Variants in FRMD3 observed in about 807,000 individuals in gnomAD.
The protein encoded by FRMD3 is FERM domain containing 3.
In FRMD3, 33 loss-of-function variants were observed where a neutral mutation model predicts 70.2. The ratio of observed to expected loss-of-function variants is 0.47; its 90% CI spans 0.36 to 0.63. FRMD3 has a LOEUF of 0.63. Ranked by LOEUF, FRMD3 falls within the 20% of genes least tolerant of loss-of-function variation. The pLI, the probability that FRMD3 is intolerant of heterozygous loss-of-function variation, is 0.00. For synonymous variants in FRMD3, 279 were observed against 255.9 expected (o/e 1.09, Z -0.86); for missense variants, 632 against 711.4 (o/e 0.89, Z 1.27).
chr9:83,569,774 G>C, the FRMD3 span, among the ~76,000 whole-genome samples: 1 of 152,066 alleles, frequency 6.6e-6, no homozygotes, highest in Non-Finnish European at 1.5e-5. Flanking sequence ...TTTTGATTTC[G>C]CCACTTAATT....
intron 3 of FRMD3, among the ~76,000 whole-genome samples, chr9:83,360,499 G>A (rs1824546483): frequency 6.6e-6 from 1 of 152,124 alleles, no homozygotes; most frequent in Non-Finnish European, 1.5e-5. Flanking sequence ...CACTCATGCT[G>A]CCAGCATGTG....
chr9:83,530,575 T>C (rs1341432337), intron 1 of FRMD3, among the ~76,000 whole-genome samples: 1 of 152,230 alleles, frequency 6.6e-6, no homozygotes, highest in Non-Finnish European at 1.5e-5. Flanking sequence ...TGGTGATGAC[T>C]GCACTACTCT....
At chr9:83,566,090 T>C in the FRMD3 span, among the ~76,000 whole-genome samples, 1 of 152,188 alleles carries the variant, frequency 6.6e-6, no homozygotes, top group Non-Finnish European at 1.5e-5. Context: ...GATAGAGACA[T>C]ACCCGAGACT....
the FRMD3 span, among the ~76,000 whole-genome samples, chr9:83,571,354 C>T: frequency 7.2e-5 from 11 of 152,202 alleles, no homozygotes; most frequent in African/African-American, 2.7e-4. Context: ...AAATTAGCAT[C>T]TTTTCTTTAT....
intron 1 of FRMD3, among the ~76,000 whole-genome samples, chr9:83,518,265 T>C (rs1395247026): frequency 6.6e-6 from 1 of 152,230 alleles, no homozygotes; most frequent in Non-Finnish European, 1.5e-5. Context: ...AAAAACTCCT[T>C]AAGCTAATAA....
chr9:83,306,529 G>T (rs1835142969), intron 10 of FRMD3, among the ~76,000 whole-genome samples: 1 of 152,050 alleles, frequency 6.6e-6, no homozygotes. Context: ...ACCTAAAAGG[G>T]TCTTCTACCT....
intron 12 of FRMD3, among the ~76,000 whole-genome samples, chr9:83,293,307 A>G (rs10118491): frequency 0.51 from 77,946 of 151,866 alleles, 21,411 homozygotes; most frequent in South Asian, 0.71. Context: ...TATGATTCTA[A>G]CTCTGCAAGG....
At chr9:83,284,709 G>T (rs1415936457) in intron 13 of FRMD3, among the ~76,000 whole-genome samples, 1 of 152,212 alleles carries the variant, frequency 6.6e-6, no homozygotes, top group East Asian at 1.9e-4. Context: ...GGGGAAAATG[G>T]TGGGAAGAAA....
chr9:83,321,848 G>C (rs1835814679), intron 6 of FRMD3, among the ~76,000 whole-genome samples: 1 of 152,006 alleles, frequency 6.6e-6, no homozygotes, highest in Non-Finnish European at 1.5e-5. Context: ...TTTTTGAATG[G>C]GGGTGCACTG....
At chr9:83,311,172 C>A (rs936486574) in intron 8 of FRMD3, among the ~76,000 whole-genome samples, 8 of 152,010 alleles carry the variant, frequency 5.3e-5, no homozygotes, top group African/African-American at 1.4e-4. Context: ...ATGGAAGGGG[C>A]TGCTCTCCTC....
At chr9:83,359,375 C>A (rs1824509418) in intron 3 of FRMD3, among the ~76,000 whole-genome samples, 2 of 152,302 alleles carry the variant, frequency 1.3e-5, no homozygotes, top group South Asian at 4.1e-4. Context: ...ATACTTCTAA[C>A]CTCAAGTTTG....
the FRMD3 span, among the ~76,000 whole-genome samples, chr9:83,577,619 G>A: frequency 6.6e-6 from 1 of 152,072 alleles, no homozygotes. Flanking sequence ...AACATAGGTA[G>A]AAATCTCTGT....
chr9:83,393,945 T>A lies in FRMD3; in HGVS notation c.148-4237A>T, dbSNP rs535851390. ...TTTTGATTTTGTTTTTTTTTGTTGT[T>A]GTTGTTTTTTTTTACAAATATTGGT... On this transcript the variant is annotated intron_variant, in intron 1 of 13. Transcript: ENST00000304195. Among the ~76,000 whole-genome samples the A allele has an allele frequency of 6.8e-5, 7 of 102,890 alleles. No homozygotes were observed. The South Asian group carries it at 1.8e-3, about 26-fold the overall frequency. 67.5% of individuals were successfully genotyped at this position (102,890 alleles called of 152,430 possible).
At chr9:83,324,961 G>T (rs1835953043) in intron 6 of FRMD3, among the ~76,000 whole-genome samples, 1 of 152,144 alleles carries the variant, frequency 6.6e-6, no homozygotes, top group South Asian at 2.1e-4. Context: ...CTGCTCTCCT[G>T]CGTGCCATGG....
intron 1 of FRMD3, among the ~76,000 whole-genome samples, chr9:83,479,401 A>C (rs1380134166): frequency 1.0e-5 from 1 of 100,356 alleles, no homozygotes; most frequent in Non-Finnish European, 1.9e-5. Flanking sequence ...GGAAGAAAGG[A>C]GGGAGGGAGG....
intron 1 of FRMD3, among the ~76,000 whole-genome samples, chr9:83,469,382 C>T (rs971498623): frequency 1.3e-5 from 2 of 152,182 alleles, no homozygotes; most frequent in African/African-American, 2.4e-5. Context: ...TCAGATGCTT[C>T]GTAGACAATC....
At chr9:83,531,374 C>G (rs760350716) in intron 1 of FRMD3, among the ~76,000 whole-genome samples, 3 of 152,312 alleles carry the variant, frequency 2.0e-5, no homozygotes, top group Admixed American at 6.5e-5. Context: ...AGTCAATACA[C>G]TTTGCCTTTG....
At chr9:83,261,533 T>G (rs1832995381) in intron 13 of FRMD3, among the ~76,000 whole-genome samples, 2 of 152,164 alleles carry the variant, frequency 1.3e-5, no homozygotes, top group African/African-American at 4.8e-5. Flanking sequence ...GATTCTAAGC[T>G]ACCTCTGTCT....
At chr9:83,415,442 CT>C (rs541899087) in intron 1 of FRMD3, among the ~76,000 whole-genome samples, 414 of 124,592 alleles carry the variant, frequency 3.3e-3, no homozygotes, top group African/African-American at 5.7e-3. Context: ...AAAGGAAATT[CT>C]TTTTTTTTTT....
Sources: allele counts gnomAD v4.1 joint callset (sites outside exome capture counted in the v4.1 genomes callset), GRCh38; gene constraint gnomAD v4.1.1; transcripts MANE v1.5; gene names NCBI Gene and HGNC (gene_info 2026-07-23, HGNC 2026-07-21).